The following ATP2C2 variants were observed in gnomAD, a reference collection of about 807,000 sequenced individuals.
ATP2C2 encodes the protein ATPase secretory pathway Ca2+ transporting 2, also known as calcium-transporting ATPase type 2C member 2.
Under a neutral mutation model 110.8 loss-of-function variants are expected in ATP2C2, and 171 were observed. That is an observed-to-expected ratio of 1.54 (90% confidence interval 1.36 to 1.75). The LOEUF (loss-of-function observed/expected upper bound fraction) is 1.75. Ranked by LOEUF, ATP2C2 falls within the 40% of genes most tolerant of loss-of-function variation. The pLI is 0.00. For synonymous variants in ATP2C2, 804 were observed against 508.4 expected (o/e 1.58, Z -7.82); for missense variants, 1,963 against 1,235.0 (o/e 1.59, Z -8.84).
At chr16:84,449,424 C>A (rs913604805) in intron 17 of ATP2C2, among the ~76,000 whole-genome samples, 2 of 152,338 alleles carry the variant, frequency 1.3e-5, no homozygotes, top group African/African-American at 2.4e-5. Flanking sequence ...TTTGCCCCCC[C>A]AAATGGTTTG....
In ATP2C2 at chr16:84,408,416, C is replaced by T. The variant is rs1349889025; in HGVS notation, c.339C>T (p.Pro113=). Residue 113 remains proline, a synonymous_variant, in exon 4 of 27, where the codon CCC becomes CCT. Coordinates refer to ENST00000262429, the MANE Select transcript of ATP2C2 (RefSeq NM_014861.4). ...WKKYLDQFKN[P]LILLLLGSAL... ...TATTTCCTCTTCAGTTTAAGAACCC[C>T]CTGATCCTGCTGCTGCTGGGCTCTG... 3 of 1,613,762 alleles carry T rather than the reference C, an allele frequency of 1.9e-6. No individual in the cohort carries two copies. The highest frequency in any genetic ancestry group is 2.7e-5 in the African/African-American group (2 of 74,858).
intron 17 of ATP2C2, among the ~76,000 whole-genome samples, chr16:84,449,283 A>G (rs926208307): frequency 2.0e-5 from 3 of 152,188 alleles, no homozygotes; most frequent in Non-Finnish European, 4.4e-5. Flanking sequence ...CAGAGTTTGT[A>G]GGTTGCTGGC....
intron 9 of ATP2C2, 75 bp from the exon 10 acceptor site, chr16:84,423,113 G>A (rs1168154848): frequency 2.3e-6 from 3 of 1,311,334 alleles, no homozygotes. Flanking sequence ...AGGATGGCAA[G>A]GTGAAGACAT....
At position 84,436,804 on chromosome 16, in the gene ATP2C2, C is replaced by G. The variant is rs1175774277; in HGVS notation, c.987-2362C>G. Among the ~76,000 whole-genome samples the G allele has an allele frequency of 2.3e-5, 3 of 131,506 alleles. No individual in the cohort carries two copies. In the Admixed American group the frequency reaches 2.5e-4, roughly 11 times the overall value. The allele number at this position is 131,506 out of a possible 152,430, so 86.3% of individuals were successfully genotyped here. ...TGAGACAGACTTTCACTCTTGTTGC[C>G]CAGGCTGGAGTGCAATGGCACCATC... On this transcript the variant is annotated intron_variant, in intron 11 of 26. Transcript: ENST00000262429.
chr16:84,399,813 T>C (rs1024728614), intron 2 of ATP2C2, among the ~76,000 whole-genome samples: 5 of 152,210 alleles, frequency 3.3e-5, no homozygotes, highest in Non-Finnish European at 7.3e-5. Flanking sequence ...AATTAAATTA[T>C]TTTTGACAAC....
rs187130292 is a variant in ATP2C2, at chr16:84,387,132, G to A, written c.100-11367G>A. Among the ~76,000 whole-genome samples, 317 of 133,534 alleles carry A rather than the reference G, an allele frequency of 2.4e-3. 2 individuals are homozygous for A. Among genetic ancestry groups the A allele is most frequent in the Non-Finnish European group, 1.9e-3 (112 of 59,706 alleles). 87.6% of individuals were successfully genotyped at this position (133,534 alleles called of 152,430 possible). A position where few individuals can be genotyped will look rare whatever the true frequency, so the allele number is the denominator to read the frequency against. ...CCGCGCTCTGAGAACCTGAGACTGC[G>A]ATAACCCCAGACTGAGTTCCACTTC... On this transcript the variant is annotated intron_variant, in intron 1 of 26. Transcript: ENST00000262429.
At position 84,410,410 on chromosome 16, in the gene ATP2C2, C is replaced by T. The variant is rs913876732; in HGVS notation, c.418-158C>T. On this transcript the variant is annotated intron_variant, in intron 4 of 26. Transcript: ENST00000262429. ...AAAAGATAGTGTCAATTTTTTCCTGCTCTTTTGGCTAGTATATTTTCTAAA... is the reference window on the plus strand; with the variant it reads ...AAAAGATAGTGTCAATTTTTTCCTGTTCTTTTGGCTAGTATATTTTCTAAA... Among the ~76,000 whole-genome samples the T allele has an allele frequency of 2.0e-5, 3 of 152,090 alleles. 1 individual carries two copies. Among genetic ancestry groups the T allele is most frequent in the Non-Finnish European group, 4.4e-5 (3 of 68,020 alleles).
At position 84,451,449 on chromosome 16, in the gene ATP2C2, G is replaced by A. The variant is rs550536598; in HGVS notation, c.1661-472G>A. Among the ~76,000 whole-genome samples, 4 of 152,346 alleles carry A rather than the reference G, an allele frequency of 2.6e-5. No homozygotes were observed. In the East Asian group the frequency reaches 5.8e-4, roughly 22 times the overall value. On this transcript the variant is annotated intron_variant, in intron 17 of 26. Transcript: ENST00000262429. ...CTGTTGTGCACCTGCGCAGGCCTGAGAGCCGCTGGAGGCATCTCTGCCCTC... is the reference window on the plus strand; with the variant it reads ...CTGTTGTGCACCTGCGCAGGCCTGAAAGCCGCTGGAGGCATCTCTGCCCTC...
At chr16:84,460,085 G>GA (rs1291768279) in intron 23 of ATP2C2, 6 of 198,796 alleles carry the variant, frequency 3.0e-5, no homozygotes, top group Non-Finnish European at 2.1e-5. Flanking sequence ...CCAAGGGAAA[G>GA]AGAGTCCTCA....
chr16:84,435,703 C>T (rs1908673854), intron 11 of ATP2C2, among the ~76,000 whole-genome samples: 1 of 73,746 alleles, frequency 1.4e-5, no homozygotes, highest in Non-Finnish European at 3.0e-5. Context: ...TGGTGCATGC[C>T]TATGTCCCGG....
chr16:84,401,856 T>C lies in ATP2C2; in HGVS notation c.210+3247T>C, dbSNP rs541543811. ...ATAAATTTTTAAATTGTTTTTTCTA[T>C]TTCTGTTAAGAATGTCATTGTTATT... On this transcript the variant is annotated intron_variant, in intron 2 of 26. Coordinates refer to ENST00000262429, the MANE Select transcript of ATP2C2 (RefSeq NM_014861.4). Among the ~76,000 whole-genome samples the C allele has an allele frequency of 4.9e-4, 75 of 152,326 alleles. 1 individual carries two copies. The highest frequency in any genetic ancestry group is 1.7e-3 in the African/African-American group (71 of 41,590).
At chr16:84,443,743 C>G (rs888280845) in intron 15 of ATP2C2, among the ~76,000 whole-genome samples, 2 of 152,204 alleles carry the variant, frequency 1.3e-5, no homozygotes, top group African/African-American at 4.8e-5. Flanking sequence ...TTACCTGTCC[C>G]TCCCTCCAGT....
At chr16:84,397,732 T>G (rs1905084090) in intron 1 of ATP2C2, among the ~76,000 whole-genome samples, 1 of 148,970 alleles carries the variant, frequency 6.7e-6, no homozygotes, top group African/African-American at 2.5e-5. Flanking sequence ...AACCCAGATA[T>G]TCATCAACAG....
At chr16:84,423,867 C>G (rs1907570965) in intron 10 of ATP2C2, among the ~76,000 whole-genome samples, 1 of 152,202 alleles carries the variant, frequency 6.6e-6, no homozygotes, top group African/African-American at 2.4e-5. Flanking sequence ...GACTTCCTGA[C>G]CTTTGGTAAC....
rs992489307 is a variant in ATP2C2, at chr16:84,460,668, C to T, written c.2348C>T (p.Pro783Leu). The T allele has an allele frequency of 1.2e-6, 2 of 1,614,206 alleles. No homozygotes were observed. Among genetic ancestry groups the T allele is most frequent in the Non-Finnish European group, 8.5e-7 (1 of 1,180,044 alleles). The change falls in exon 24 of 27, where the codon CCC becomes CTC. Residue 783 changes from proline (P) to leucine (L), a missense_variant. Physicochemically the swap from Pro to Leu is moderately conservative, Grantham distance 98 (BLOSUM62 -3). Transcript: ENST00000262429. Reference protein sequence around the residue: ...GPPAQSLGVEPVDKDAFRQPP... With the variant: ...GPPAQSLGVELVDKDAFRQPP... ...GTTCGGAGCAGCTTGGGGGTAGAGC[C>T]CGTTGACAAAGACGCCTTCAGGCAG...
intron 1 of ATP2C2, among the ~76,000 whole-genome samples, chr16:84,385,889 G>T (rs1904312251): frequency 6.6e-6 from 1 of 152,208 alleles, no homozygotes; most frequent in Non-Finnish European, 1.5e-5. Context: ...AATTCCAAAT[G>T]AGATTTGGGT....
At chr16:84,377,717 T>G (rs1910330367) in intron 1 of ATP2C2, among the ~76,000 whole-genome samples, 1 of 152,078 alleles carries the variant, frequency 6.6e-6, no homozygotes, top group African/African-American at 2.4e-5. Flanking sequence ...GGTTTAGGGC[T>G]TTAGCCTGGG....
chr16:84,459,427 A>C (rs1597882785), intron 23 of ATP2C2, 41 bp downstream of exon 23: 3 of 1,604,906 alleles, frequency 1.9e-6, no homozygotes, highest in Non-Finnish European at 2.6e-6. Flanking sequence ...CTCTTTACCC[A>C]CCTGCGGGGC....
In ATP2C2 at chr16:84,433,478, C is replaced by G. The variant is rs571984702; in HGVS notation, c.987-5688C>G. ...GACCAGCCTGGCCAAAACAGTGAAA[C>G]CTCGTCTCTACTAAAAATACAAAAA... On this transcript the variant is annotated intron_variant, in intron 11 of 26. Transcript: ENST00000262429. 2.5e-4 allele frequency among the ~76,000 whole-genome samples: 38 copies of G among 152,202 alleles called. No homozygotes were observed. In the South Asian group the frequency reaches 6.8e-3, roughly 27 times the overall value.
Sources: gnomAD v4.1 joint callset for allele counts (sites outside exome capture counted in the v4.1 genomes callset) on GRCh38, gnomAD v4.1.1 for gene constraint, MANE v1.5 for transcripts, NCBI Gene and HGNC (gene_info 2026-07-23, HGNC 2026-07-21) for gene names.